PRH1: variants seen among roughly 807,000 people sequenced by gnomAD.
The protein encoded by PRH1 is proline rich protein HaeIII subfamily 1.
Under a neutral mutation model 7.9 loss-of-function variants are expected in PRH1, and 7 were observed. The ratio of observed to expected loss-of-function variants is 0.89; its 90% CI spans 0.50 to 1.67. PRH1 has a LOEUF of 1.67. Among genes scored for constraint, PRH1 ranks in the 40% most tolerant of loss-of-function variants. The pLI is 0.00. For synonymous variants in PRH1, 45 were observed against 80.8 expected, an observed-to-expected ratio of 0.56 and a Z score of 2.38; for missense variants, 109 against 223.6, an observed-to-expected ratio of 0.49 and a Z score of 3.27.
At chr12:11,171,587 C>T (rs1476320673), upstream of PRH1, 6 of 1,228,928 alleles carry the variant, frequency 4.9e-6, no homozygotes, top group Middle Eastern at 3.1e-4. Flanking sequence ...CTAACGGCCT[C>T]CGGGGCCAGC....
At chr12:10,926,198 G>A (rs1397861395) in intron 2 of PRH1, among the ~76,000 whole-genome samples, 1 of 152,176 alleles carries the variant, frequency 6.6e-6, no homozygotes, top group East Asian at 1.9e-4. Flanking sequence ...TTTGCTAACT[G>A]TATTATCAGA....
intron 1 of PRH1, among the ~76,000 whole-genome samples, chr12:11,026,472 T>C (rs1941923372): frequency 8.3e-6 from 1 of 120,588 alleles, no homozygotes; most frequent in South Asian, 2.5e-4. Flanking sequence ...AGGACTCACA[T>C]TCTTCGTGAA....
intron 2 of PRH1, among the ~76,000 whole-genome samples, chr12:10,931,819 G>GTT (rs1048990647): frequency 1.4e-5 from 2 of 145,100 alleles, no homozygotes; most frequent in Non-Finnish European, 3.0e-5. Context: ...TTATTGGTTA[G>GTT]TTTTTTTTTT....
chr12:11,122,226 C>A (rs1945932873), intron 1 of PRH1, among the ~76,000 whole-genome samples: 2 of 152,246 alleles, frequency 1.3e-5, no homozygotes, highest in Admixed American at 1.3e-4. Flanking sequence ...CATCATCTGG[C>A]TATTACACTG....
At chr12:11,126,749 G>A (rs1946144137) in intron 1 of PRH1, among the ~76,000 whole-genome samples, 1 of 152,138 alleles carries the variant, frequency 6.6e-6, no homozygotes, top group Non-Finnish European at 1.5e-5. Flanking sequence ...CAAACATTAT[G>A]TCAAATGACT....
At chr12:11,055,632 G>T (rs890214420) in intron 1 of PRH1, among the ~76,000 whole-genome samples, 1 of 152,174 alleles carries the variant, frequency 6.6e-6, no homozygotes, top group Non-Finnish European at 1.5e-5. Context: ...TCATGCTGAT[G>T]TTGAAGTAAA....
At chr12:11,006,353 C>T (rs796241547) in intron 1 of PRH1, 41 of 149,892 alleles carry the variant, frequency 2.7e-4, no homozygotes, top group African/African-American at 1.0e-3. Flanking sequence ...TGAAAACTTC[C>T]ATTTCTTTTC....
intron 1 of PRH1, among the ~76,000 whole-genome samples, chr12:11,149,151 A>G (rs1483081178): frequency 6.6e-6 from 1 of 151,364 alleles, no homozygotes; most frequent in African/African-American, 2.4e-5. Flanking sequence ...ATTATTTTTT[A>G]TTGTGTCTAT....
intron 2 of PRH1, among the ~76,000 whole-genome samples, chr12:10,935,968 G>A (rs1950281527): frequency 6.6e-6 from 1 of 152,210 alleles, no homozygotes; most frequent in African/African-American, 2.4e-5. Context: ...AGGATATTGA[G>A]CTGAATCTGA....
At chr12:11,015,502 A>G (rs1210341884) in intron 1 of PRH1, among the ~76,000 whole-genome samples, 1 of 152,026 alleles carries the variant, frequency 6.6e-6, no homozygotes, top group Non-Finnish European at 1.5e-5. Context: ...AGGAGGTTAG[A>G]CTTGAAGTTG....
intron 1 of PRH1, among the ~76,000 whole-genome samples, chr12:11,095,792 G>C (rs1565649837): frequency 8.7e-6 from 1 of 114,992 alleles, no homozygotes; most frequent in South Asian, 2.4e-4. Context: ...AACAGAGTGA[G>C]AATCCAACTC....
At position 10,884,250 on chromosome 12, in the gene PRH1, T is replaced by A; in HGVS notation, c.-33A>T. 6.2e-7 allele frequency: 1 copy of A among 1,613,934 alleles called. No individual in the cohort carries two copies. Among genetic ancestry groups the A allele is most frequent in the South Asian group, 1.1e-5 (1 of 91,082 alleles). The stretch of plus-strand genomic sequence containing the variant: ...GAGGCTCTGGTGTCACTCCCAACTT[T>A]GTGCTGGGAGAAACGTGTCAGCTCC... On this transcript the variant is annotated 5_prime_UTR_variant, in exon 1 of 4. Transcript: ENST00000543626.
intron 2 of PRH1, among the ~76,000 whole-genome samples, chr12:10,917,187 GT>G (rs374558267): frequency 1.3e-3 from 197 of 152,244 alleles, no homozygotes; most frequent in African/African-American, 4.3e-3. Flanking sequence ...CAGATATCCT[GT>G]TCCTTGCCAA....
intron 1 of PRH1, among the ~76,000 whole-genome samples, chr12:11,101,788 G>A (rs2136284143): frequency 6.6e-6 from 1 of 152,240 alleles, no homozygotes; most frequent in Admixed American, 6.5e-5. Context: ...TGTATATTTA[G>A]AAAACCTAAT....
chr12:11,146,646 T>C lies in PRH1; in HGVS notation n.39+24776A>G, dbSNP rs143836661. Among the ~76,000 whole-genome samples, 9 of 152,236 alleles carry C rather than the reference T, an allele frequency of 5.9e-5. No homozygotes were observed. The East Asian group carries it at 1.7e-3, about 29-fold the overall frequency. ...TGGTTTTTGTATCTTTCAGATAAAATCCTCACCTACCCTGAATTTATAAAA... is the reference window on the plus strand; with the variant it reads ...TGGTTTTTGTATCTTTCAGATAAAACCCTCACCTACCCTGAATTTATAAAA... On this transcript the variant is annotated intron_variant and non_coding_transcript_variant, in intron 1 of 1. Coordinates refer to the PRH1 transcript ENST00000541175.
At chr12:10,973,705 A>G (rs1474656817) in exon 2 of PRH1, 2 of 780,230 alleles carry the variant, frequency 2.6e-6, no homozygotes, top group East Asian at 2.4e-5. Flanking sequence ...AGCAGGCAAA[A>G]TATTCTTCTG....
intron 2 of PRH1, among the ~76,000 whole-genome samples, chr12:10,948,303 TC>T (rs1235038723): frequency 6.6e-6 from 1 of 152,240 alleles, no homozygotes; most frequent in African/African-American, 2.4e-5. Context: ...ATCCCATACT[TC>T]TCAGGGGTTT....
intron 1 of PRH1, among the ~76,000 whole-genome samples, chr12:10,985,398 T>G (rs1939562520): frequency 6.6e-6 from 1 of 152,060 alleles, no homozygotes; most frequent in Admixed American, 6.6e-5. Flanking sequence ...AAACATAAAA[T>G]TAGAATTCAT....
upstream of PRH1, among the ~76,000 whole-genome samples, chr12:10,888,097 A>G (rs886325236): frequency 2.6e-5 from 4 of 152,164 alleles, no homozygotes; most frequent in Non-Finnish European, 5.9e-5. Flanking sequence ...GCCTTCTTCC[A>G]TCTTCAATGC....
Sources: gnomAD v4.1 joint callset for allele counts (sites outside exome capture counted in the v4.1 genomes callset) on GRCh38, gnomAD v4.1.1 for gene constraint, MANE v1.5 for transcripts, NCBI Gene and HGNC (gene_info 2026-07-23, HGNC 2026-07-21) for gene names.